The following CDK19 variants were observed in gnomAD, a reference collection of about 807,000 sequenced individuals.
CDK19 encodes cyclin-dependent kinase 19.
Under a neutral mutation model 68.3 loss-of-function variants are expected in CDK19, and 20 were observed. That is an observed-to-expected ratio of 0.29 (90% confidence interval 0.21 to 0.43). CDK19 has a LOEUF of 0.43. Ranked by LOEUF, CDK19 falls within the 20% of genes least tolerant of loss-of-function variation. The pLI is 1.00. For synonymous variants in CDK19, 221 were observed against 222.8 expected, an observed-to-expected ratio of 0.99 and a Z score of 0.07; for missense variants, 339 against 623.5, an observed-to-expected ratio of 0.54 and a Z score of 4.86.
chr6:110,792,049 C>T (rs1234504825), intron 1 of CDK19, among the ~76,000 whole-genome samples: 1 of 151,764 alleles, frequency 6.6e-6, no homozygotes, highest in South Asian at 2.1e-4. Context: ...CAGCTCACTG[C>T]AACCTCTGCC....
intron 2 of CDK19, among the ~76,000 whole-genome samples, chr6:110,727,945 G>A (rs959832113): frequency 1.5e-4 from 22 of 150,144 alleles, no homozygotes; most frequent in African/African-American, 5.4e-4. Context: ...CTATTATCCT[G>A]CCACTGCACT....
intron 1 of CDK19, among the ~76,000 whole-genome samples, chr6:110,796,470 T>G (rs998237227): frequency 6.6e-6 from 1 of 150,838 alleles, no homozygotes; most frequent in Non-Finnish European, 1.5e-5. Context: ...CAACACAACA[T>G]GGTGACACCC....
chr6:110,814,995 G>C lies in CDK19; in HGVS notation c.128+14C>G. On this transcript the variant is annotated intron_variant, in intron 1 of 12. Transcript: ENST00000368911. ...GGACCCGAGCGAGCCTACTCCTCCC[G>C]CCCCTGCTCTTACCCATCTTTCCGC... 2.5e-6 allele frequency: 4 copies of C among 1,601,872 alleles called. No homozygotes were observed. The highest frequency in any genetic ancestry group is 3.4e-6 in the Non-Finnish European group (4 of 1,174,962).
chr6:110,787,002 C>A (rs1476560368), intron 1 of CDK19, among the ~76,000 whole-genome samples: 1 of 152,144 alleles, frequency 6.6e-6, no homozygotes, highest in Non-Finnish European at 1.5e-5. Context: ...TGCCTTAAAT[C>A]CTGGGGCTTG....
chr6:110,733,606 T>C (rs1420905066), intron 2 of CDK19, among the ~76,000 whole-genome samples: 1 of 152,170 alleles, frequency 6.6e-6, no homozygotes, highest in Non-Finnish European at 1.5e-5. Flanking sequence ...AATGGTATTA[T>C]CAGTCTTCTT....
chr6:110,641,321 T>G (rs1165043412), intron 4 of CDK19, among the ~76,000 whole-genome samples: 1 of 151,892 alleles, frequency 6.6e-6, no homozygotes, highest in Non-Finnish European at 1.5e-5. Context: ...AGAGGCTGGG[T>G]GCAGTGGCTG....
chr6:110,745,694 T>A (rs1167502690), intron 2 of CDK19, among the ~76,000 whole-genome samples: 1 of 152,154 alleles, frequency 6.6e-6, no homozygotes, highest in South Asian at 2.1e-4. Context: ...GGGCTACATA[T>A]GGTGGCTCAC....
intron 1 of CDK19, among the ~76,000 whole-genome samples, chr6:110,802,366 T>C (rs9487530): frequency 0.013 from 2,053 of 152,344 alleles, 49 homozygotes; most frequent in African/African-American, 0.047. Flanking sequence ...TGAAATCATG[T>C]CCTTTGCAGC....
At chr6:110,617,451 C>T (rs940684673) in intron 12 of CDK19, among the ~76,000 whole-genome samples, 1 of 151,874 alleles carries the variant, frequency 6.6e-6, no homozygotes, top group African/African-American at 2.4e-5. Flanking sequence ...CATGTTTCTA[C>T]ATGGCTGTCT....
intron 4 of CDK19, chr6:110,645,972 C>A: frequency 8.6e-7 from 1 of 1,164,454 alleles, no homozygotes; most frequent in Non-Finnish European, 1.2e-6. Context: ...CTACAACGAG[C>A]ACATGCAGCG....
chr6:110,741,861 A>T (rs1176026645), intron 2 of CDK19, among the ~76,000 whole-genome samples: 1 of 152,202 alleles, frequency 6.6e-6, no homozygotes, highest in East Asian at 1.9e-4. Flanking sequence ...AAGAATTACG[A>T]CATTCCCAGA....
chr6:110,664,154 G>C (rs1416217894), intron 4 of CDK19, among the ~76,000 whole-genome samples: 1 of 152,106 alleles, frequency 6.6e-6, no homozygotes, highest in Non-Finnish European at 1.5e-5. Context: ...ATCCATATTT[G>C]AGCCAACCAG....
intron 1 of CDK19, among the ~76,000 whole-genome samples, chr6:110,758,453 A>C (rs2114937661): frequency 6.6e-6 from 1 of 152,274 alleles, no homozygotes; most frequent in East Asian, 1.9e-4. Flanking sequence ...ATTAGTTAGA[A>C]TTGATTCATC....
intron 2 of CDK19, among the ~76,000 whole-genome samples, chr6:110,719,976 C>CTGGGGGGGGGGGG: frequency 2.3e-5 from 2 of 88,120 alleles, no homozygotes; most frequent in East Asian, 4.2e-4. Context: ...TGATCCGCCC[C>CTGGGGGGGGGGGG]CCCCCCCCCA....
chr6:110,705,539 C>T (rs1158777499), intron 2 of CDK19, among the ~76,000 whole-genome samples: 1 of 152,054 alleles, frequency 6.6e-6, no homozygotes, highest in Non-Finnish European at 1.5e-5. Context: ...CAGGAGAGAG[C>T]TCTTTTGGAA....
intron 2 of CDK19, among the ~76,000 whole-genome samples, chr6:110,674,666 G>A (rs1016614934): frequency 6.6e-5 from 10 of 152,160 alleles, no homozygotes; most frequent in Non-Finnish European, 1.5e-4. Flanking sequence ...ACTTTGGGAG[G>A]CCAAAGTAGG....
chr6:110,646,347 G>A (rs1453862139), intron 4 of CDK19: 1 of 1,465,898 alleles, frequency 6.8e-7, no homozygotes, highest in East Asian at 2.5e-5. Context: ...CATGCACTTC[G>A]AGTGCCTCTT....
intron 8 of CDK19, 49 bp downstream of exon 8, chr6:110,626,727 A>AT (rs755025230): frequency 4.4e-6 from 5 of 1,134,154 alleles, no homozygotes; most frequent in African/African-American, 1.6e-5. Flanking sequence ...AGTCTAAGGT[A>AT]TTTTTTTATA....
intron 1 of CDK19, among the ~76,000 whole-genome samples, chr6:110,772,561 G>A (rs813910): frequency 0.15 from 23,462 of 152,110 alleles, 2,024 homozygotes; most frequent in East Asian, 0.32. Flanking sequence ...TTCCCATTCA[G>A]AATCTATCTA....
Sources: allele counts gnomAD v4.1 joint callset (sites outside exome capture counted in the v4.1 genomes callset), GRCh38; gene constraint gnomAD v4.1.1; transcripts MANE v1.5; gene names NCBI Gene and HGNC (gene_info 2026-07-23, HGNC 2026-07-21).